Variants in DIABLO observed in about 807,000 individuals in gnomAD.
DIABLO encodes the protein diablo IAP-binding mitochondrial protein.
A neutral mutation model predicts 31.7 loss-of-function variants in DIABLO; 32 were observed. The ratio of observed to expected loss-of-function variants is 1.01; its 90% CI spans 0.76 to 1.35. The LOEUF (loss-of-function observed/expected upper bound fraction) is 1.35, where lower values mean the gene tolerates loss of function less well. Ranked by LOEUF, DIABLO falls within the 40% of genes most tolerant of loss-of-function variation. The pLI, the probability that DIABLO is intolerant of heterozygous loss-of-function variation, is 0.00. For synonymous variants in DIABLO, 132 were observed against 103.2 expected, an observed-to-expected ratio of 1.28 and a Z score of -1.69; for missense variants, 316 against 286.4, an observed-to-expected ratio of 1.10 and a Z score of -0.75.
chr12:122,215,509 C>A (rs1263143341), intron 5 of DIABLO, among the ~76,000 whole-genome samples: 2 of 152,142 alleles, frequency 1.3e-5, no homozygotes, highest in African/African-American at 4.8e-5. Flanking sequence ...GAGGCTGAGG[C>A]AGGAGAATCA....
At chr12:122,214,029 G>A (rs1221296733) in intron 5 of DIABLO, among the ~76,000 whole-genome samples, 1 of 152,090 alleles carries the variant, frequency 6.6e-6, no homozygotes, top group Non-Finnish European at 1.5e-5. Context: ...AGGTTGCAGT[G>A]AGCTGAGTTC....
rs994252023 is a variant in DIABLO, at chr12:122,207,754, G to A, written c.*627C>T. 2 of 482,846 alleles carry A rather than the reference G, an allele frequency of 4.1e-6. No homozygotes were observed. The highest frequency in any genetic ancestry group is 8.1e-6 in the Non-Finnish European group (2 of 246,604). 29.9% of individuals were successfully genotyped at this position (482,846 alleles called of 1,614,324 possible). On this transcript the variant is annotated 3_prime_UTR_variant, in exon 6 of 6. Transcript: ENST00000464942. ...ATACAATAGAGAAACGGAAAGAAAG[G>A]AAGGAACAAGAGGCCTGTGTTAAGT...
At chr12:122,225,581 T>G in intron 1 of DIABLO, 1 of 1,189,584 alleles carries the variant, frequency 8.4e-7, no homozygotes, top group Non-Finnish European at 1.1e-6. Context: ...CGGCCCCTTC[T>G]GCCCTCGGGA....
At chr12:122,218,206 T>C (rs1954256637) in intron 3 of DIABLO, 60 bp downstream of exon 3, 2 of 1,596,842 alleles carry the variant, frequency 1.3e-6, no homozygotes, top group East Asian at 2.2e-5. Context: ...CACAATTTGG[T>C]TGTGAGCCAT....
intron 2 of DIABLO, among the ~76,000 whole-genome samples, chr12:122,224,144 TTCA>T (rs1219959026): frequency 6.6e-6 from 1 of 152,194 alleles, no homozygotes; most frequent in Non-Finnish European, 1.5e-5. Flanking sequence ...TTTATCCTCT[TTCA>T]TCTCCACAAA....
At chr12:122,209,430 G>C (rs55900127) in intron 5 of DIABLO, among the ~76,000 whole-genome samples, 13,689 of 151,862 alleles carry the variant, frequency 0.09, 2,037 homozygotes, top group African/African-American at 0.31. Flanking sequence ...TTGGGATGCC[G>C]AGGTGGGTGG....
At chr12:122,208,698 C>T (rs1226919647) in intron 5 of DIABLO, 121 bp from the exon 6 acceptor site, 2 of 939,666 alleles carry the variant, frequency 2.1e-6, no homozygotes, top group Non-Finnish European at 1.7e-6. Context: ...CTTTCCTTGA[C>T]CTCCCTGTCT....
chr12:122,214,929 G>A (rs984883785), intron 5 of DIABLO, among the ~76,000 whole-genome samples: 8 of 151,658 alleles, frequency 5.3e-5, no homozygotes, highest in African/African-American at 1.9e-4. Flanking sequence ...GACCTCAAGT[G>A]ACCCACCTCA....
chr12:122,215,808 G>A (rs754388198), intron 5 of DIABLO, among the ~76,000 whole-genome samples: 30 of 150,560 alleles, frequency 2.0e-4, no homozygotes, highest in Non-Finnish European at 4.0e-4. Flanking sequence ...AGGCCAAGGT[G>A]GGTAGACTGC....
intron 2 of DIABLO, among the ~76,000 whole-genome samples, chr12:122,223,542 C>T (rs987797271): frequency 1.3e-5 from 2 of 152,154 alleles, no homozygotes; most frequent in Non-Finnish European, 2.9e-5. Flanking sequence ...TCAGTTAACT[C>T]TCTGGCTTCA....
intron 3 of DIABLO, 53 bp downstream of exon 3, chr12:122,218,213 C>T (rs2136098663): frequency 3.1e-6 from 5 of 1,605,626 alleles, no homozygotes; most frequent in Middle Eastern, 1.7e-4. Flanking sequence ...TGGTTGTGAG[C>T]CATTATTTGC....
At chr12:122,224,213 C>A (rs1954395263) in intron 2 of DIABLO, among the ~76,000 whole-genome samples, 1 of 152,306 alleles carries the variant, frequency 6.6e-6, no homozygotes, top group East Asian at 1.9e-4. Context: ...CAGTGTCTTG[C>A]ACATAAAAGT....
chr12:122,214,086 AAAAC>A (rs893811655), intron 5 of DIABLO, among the ~76,000 whole-genome samples: 80 of 139,614 alleles, frequency 5.7e-4, no homozygotes, highest in East Asian at 1.9e-3. Context: ...CTGTCTCAAA[AAAAC>A]AAACAAACAA....
Position 122,218,360 on chromosome 12 carries a change from A to G in DIABLO, c.221T>C (p.Met74Thr). ...TGTTACCAAAGACACTGCTCTCCTC[A>G]TCAATGCTTCACTACTAAGGGAATG... is the stretch of plus-strand genomic sequence containing the variant. ...EPHSLSSEAL[M>T]RRAVSLVTDS... The change falls in exon 3 of 6, where the codon ATG becomes ACG. Residue 74 changes from methionine (M) to threonine (T), a missense_variant. Transcript: ENST00000464942. 6.2e-7 allele frequency: 1 copy of G among 1,614,180 alleles called. No individual in the cohort carries two copies. Among genetic ancestry groups the G allele is most frequent in the Non-Finnish European group, 8.5e-7 (1 of 1,180,026 alleles).
intron 5 of DIABLO, among the ~76,000 whole-genome samples, chr12:122,211,262 C>T (rs1006064884): frequency 3.3e-5 from 5 of 151,548 alleles, no homozygotes; most frequent in African/African-American, 7.3e-5. Context: ...ATTAATCGGG[C>T]GTGGTGGTGA....
chr12:122,225,761 G>C, intron 1 of DIABLO: 1 of 1,439,308 alleles, frequency 6.9e-7, no homozygotes, highest in Non-Finnish European at 9.1e-7. Flanking sequence ...GAAGATGGAC[G>C]AACTGAAAAG....
intron 3 of DIABLO, 87 bp from the exon 4 acceptor site, chr12:122,216,956 TC>T: frequency 1.7e-6 from 2 of 1,156,146 alleles, no homozygotes; most frequent in Non-Finnish European, 2.6e-6. Context: ...GGAAATTAAG[TC>T]CCATTACAGC....
rs1430893033 is a variant in DIABLO, at chr12:122,208,465, CTG to C, written c.634_635del (p.Gln212AspfsTer17). ...RKAETKLAEA[Q>X]IEELRQKTQE... ...GTGTTTTCTGACGGAGCTCTTCTAT[CTG>C]TGCTTCTGCCAGCTTGGTTTCTGCT... On this transcript the variant is annotated frameshift_variant, in exon 6 of 6. Coordinates refer to ENST00000464942, the MANE Select transcript of DIABLO (RefSeq NM_001371333.1). LOFTEE classifies it high-confidence loss of function. 1.9e-6 allele frequency: 3 copies of C among 1,614,078 alleles called. No homozygotes were observed. Among genetic ancestry groups the C allele is most frequent in the East Asian group, 2.2e-5 (1 of 44,900 alleles).
chr12:122,216,390 C>G, intron 5 of DIABLO, 98 bp downstream of exon 5: 1 of 1,035,730 alleles, frequency 9.7e-7, no homozygotes, highest in Non-Finnish European at 1.5e-6. Context: ...AGACCATTTA[C>G]TATAAAGCCC....
Sources: gnomAD v4.1 joint callset for allele counts (sites outside exome capture counted in the v4.1 genomes callset) on GRCh38, gnomAD v4.1.1 for gene constraint, MANE v1.5 for transcripts, NCBI Gene and HGNC (gene_info 2026-07-23, HGNC 2026-07-21) for gene names.